The following DNM3 variants were observed in gnomAD, a reference collection of about 807,000 sequenced individuals.
The protein encoded by DNM3 is dynamin-3.
In DNM3, 47 loss-of-function variants were observed where a neutral mutation model predicts 101.6. The observed-to-expected ratio is 0.46, with a 90% CI of 0.37 to 0.59. The LOEUF is 0.59. Ranked by LOEUF, DNM3 falls within the 20% of genes least tolerant of loss-of-function variation. DNM3 has a pLI of 0.00. For synonymous variants in DNM3, 385 were observed against 387.9 expected, an observed-to-expected ratio of 0.99 and a Z score of 0.09; for missense variants, 849 against 1,085.7, an observed-to-expected ratio of 0.78 and a Z score of 3.06.
chr1:172,061,274 G>T (rs1208754856), intron 10 of DNM3, among the ~76,000 whole-genome samples: 1 of 146,610 alleles, frequency 6.8e-6, no homozygotes, highest in African/African-American at 2.6e-5. Context: ...TTCAACCATT[G>T]TGGAAGTCAG....
intron 14 of DNM3, among the ~76,000 whole-genome samples, chr1:172,167,421 C>G (rs932460731): frequency 1.1e-4 from 16 of 152,002 alleles, no homozygotes; most frequent in Admixed American, 9.8e-4. Context: ...TTATAATCCT[C>G]TGGGTATATA....
At chr1:172,212,757 T>TA (rs1195375060) in intron 14 of DNM3, among the ~76,000 whole-genome samples, 1 of 152,170 alleles carries the variant, frequency 6.6e-6, no homozygotes, top group Non-Finnish European at 1.5e-5. Context: ...CAGATAATTC[T>TA]AATCCATGCT....
At chr1:172,153,253 A>C (rs1249302746) in intron 14 of DNM3, among the ~76,000 whole-genome samples, 1 of 152,152 alleles carries the variant, frequency 6.6e-6, no homozygotes, top group Non-Finnish European at 1.5e-5. Flanking sequence ...GATGCTTTTG[A>C]AAACATTCTG....
intron 17 of DNM3, among the ~76,000 whole-genome samples, chr1:172,328,319 A>G (rs189843899): frequency 6.6e-6 from 1 of 152,306 alleles, no homozygotes; most frequent in African/African-American, 2.4e-5. Flanking sequence ...TGCATGCTTC[A>G]TGATATTTTT....
intron 2 of DNM3, among the ~76,000 whole-genome samples, chr1:171,958,619 C>A (rs1238030351): frequency 6.6e-6 from 1 of 152,082 alleles, no homozygotes; most frequent in African/African-American, 2.4e-5. Context: ...GCTTTACATG[C>A]TGAGTGGATT....
chr1:172,342,707 G>A (rs1449270520), intron 17 of DNM3, among the ~76,000 whole-genome samples: 1 of 152,004 alleles, frequency 6.6e-6, no homozygotes, highest in African/African-American at 2.4e-5. Context: ...ACTTGCATGT[G>A]TACCCCTGAA....
intron 14 of DNM3, among the ~76,000 whole-genome samples, chr1:172,240,473 A>G (rs1050261582): frequency 6.6e-6 from 1 of 152,136 alleles, no homozygotes; most frequent in African/African-American, 2.4e-5. Context: ...TCTGACCTCC[A>G]TTTTCTCAGA....
At chr1:172,174,149 C>T (rs1164406991) in intron 14 of DNM3, among the ~76,000 whole-genome samples, 1 of 151,638 alleles carries the variant, frequency 6.6e-6, no homozygotes, top group Non-Finnish European at 1.5e-5. Flanking sequence ...ATAAAATATA[C>T]ACTCTGCAAA....
intron 1 of DNM3, among the ~76,000 whole-genome samples, chr1:171,854,634 C>A (rs2033382022): frequency 6.6e-6 from 1 of 152,032 alleles, no homozygotes; most frequent in Non-Finnish European, 1.5e-5. Flanking sequence ...CTTTCTTGGA[C>A]TCTCCCAAAG....
chr1:172,234,529 G>C (rs12402943), intron 14 of DNM3, among the ~76,000 whole-genome samples: 1 of 151,822 alleles, frequency 6.6e-6, no homozygotes, highest in Non-Finnish European at 1.5e-5. Flanking sequence ...ATTGGAAAAA[G>C]CTACTTTAAA....
chr1:172,355,354 T>C (rs1239214567), intron 17 of DNM3, among the ~76,000 whole-genome samples: 1 of 152,038 alleles, frequency 6.6e-6, no homozygotes, highest in Non-Finnish European at 1.5e-5. Flanking sequence ...AATGACAAAT[T>C]TGAGAAAGGA....
intron 17 of DNM3, among the ~76,000 whole-genome samples, chr1:172,363,258 T>C (rs1444199855): frequency 6.6e-6 from 1 of 151,934 alleles, no homozygotes; most frequent in Non-Finnish European, 1.5e-5. Flanking sequence ...CATTTTCTGT[T>C]GTGGCTTCTG....
At chr1:171,934,135 T>A (rs2041237112) in intron 2 of DNM3, among the ~76,000 whole-genome samples, 1 of 152,246 alleles carries the variant, frequency 6.6e-6, no homozygotes, top group Non-Finnish European at 1.5e-5. Context: ...TATGCATATA[T>A]TACTTACTGT....
chr1:172,353,737 C>A (rs2067297870), intron 17 of DNM3, among the ~76,000 whole-genome samples: 1 of 152,156 alleles, frequency 6.6e-6, no homozygotes, highest in Non-Finnish European at 1.5e-5. Flanking sequence ...TTTGAAAAAG[C>A]AAATAATAAG....
chr1:172,076,309 C>A (rs971198503), intron 11 of DNM3, among the ~76,000 whole-genome samples: 5 of 152,128 alleles, frequency 3.3e-5, no homozygotes, highest in African/African-American at 1.2e-4. Flanking sequence ...TCCTTTATTT[C>A]TTTCTCTTGC....
intron 6 of DNM3, among the ~76,000 whole-genome samples, chr1:172,034,244 GA>G (rs2048808586): frequency 6.6e-6 from 1 of 151,978 alleles, no homozygotes. Context: ...TTTAATTAAA[GA>G]TAAACATTTG....
At chr1:172,159,779 T>A (rs1411772119) in intron 14 of DNM3, among the ~76,000 whole-genome samples, 1 of 152,062 alleles carries the variant, frequency 6.6e-6, no homozygotes, top group African/African-American at 2.4e-5. Flanking sequence ...CTGTAAAATG[T>A]GAATTACAGT....
intron 1 of DNM3, among the ~76,000 whole-genome samples, chr1:171,843,139 T>C (rs2031528771): frequency 6.6e-6 from 1 of 152,196 alleles, no homozygotes; most frequent in African/African-American, 2.4e-5. Context: ...CATATTCCTT[T>C]CTCTCAAATG....
At chr1:172,239,405 CCT>C (rs2061660299) in intron 14 of DNM3, among the ~76,000 whole-genome samples, 1 of 152,060 alleles carries the variant, frequency 6.6e-6, no homozygotes, top group Non-Finnish European at 1.5e-5. Flanking sequence ...ATCCGAAGTC[CCT>C]GAATACACGG....
Sources: allele counts gnomAD v4.1 joint callset (sites outside exome capture counted in the v4.1 genomes callset), GRCh38; gene constraint gnomAD v4.1.1; transcripts MANE v1.5; gene names NCBI Gene and HGNC (gene_info 2026-07-23, HGNC 2026-07-21).